ABCA10: variants seen among roughly 807,000 people sequenced by gnomAD.
ABCA10 encodes the protein ATP-binding cassette sub-family A member 10.
ABCA10 carries 169 observed loss-of-function variants against 187.5 expected under a neutral mutation model. The ratio of observed to expected loss-of-function variants is 0.90; its 90% CI spans 0.80 to 1.02. The LOEUF is 1.02. ABCA10 is among the 50% of genes least tolerant of loss of function. The pLI is 0.00. For missense variants in ABCA10, 1,727 were observed against 1,812.4 expected, an observed-to-expected ratio of 0.95 and a Z score of 0.86; for synonymous variants, 574 against 601.8, an observed-to-expected ratio of 0.95 and a Z score of 0.68.
intron 11 of ABCA10, among the ~76,000 whole-genome samples, chr17:69,196,663 G>T (rs1360094356): frequency 2.0e-5 from 3 of 152,212 alleles, no homozygotes; most frequent in Non-Finnish European, 2.9e-5. Context: ...AAGGCAGGCG[G>T]CTGGGAGGTG....
chr17:69,149,235 G>T, intron 37 of ABCA10, 147 bp from the exon 38 acceptor site: 1 of 825,104 alleles, frequency 1.2e-6, no homozygotes, highest in South Asian at 2.0e-5. Flanking sequence ...ATAAAGAAGA[G>T]TGGTGATATG....
intron 1 of ABCA10, among the ~76,000 whole-genome samples, chr17:69,238,118 C>T (rs1026950814): frequency 6.7e-6 from 1 of 149,528 alleles, no homozygotes; most frequent in African/African-American, 2.5e-5. Context: ...GCTGAGATCA[C>T]GCCATTGCAC....
chr17:69,211,247 C>A lies in ABCA10; in HGVS notation c.1006+3457G>T, dbSNP rs115451889. On this transcript the variant is annotated intron_variant, in intron 9 of 38. Coordinates refer to ENST00000690296, the MANE Select transcript of ABCA10 (RefSeq NM_001377321.1). Reference sequence around the variant, plus strand: ...CCAGCTTTAAATAATGCCATTATTTCATTCCTTTTTAATGGCTGAGTAGTA... The same window carrying A: ...CCAGCTTTAAATAATGCCATTATTTAATTCCTTTTTAATGGCTGAGTAGTA... Among the ~76,000 whole-genome samples, 1,360 of 147,652 alleles carry A rather than the reference C, an allele frequency of 9.2e-3. 15 individuals carry two copies. Among genetic ancestry groups the A allele is most frequent in the African/African-American group, 0.031 (1,250 of 40,118 alleles).
Position 69,201,545 on chromosome 17 carries a change from G to A in ABCA10, c.1130C>T (p.Ser377Phe). 6.2e-7 allele frequency: 1 copy of A among 1,607,568 alleles called. No homozygotes were observed. The highest frequency in any genetic ancestry group is 8.5e-7 in the Non-Finnish European group (1 of 1,178,200). ...GAATTCTGGAGACACCGGTTCAAAA[G>A]AATCATCAGAGGAATGCTCAGGATT... ...EINPEHSSDD[S>F]FEPVSPEFHG... The change falls in exon 10 of 39, where the codon TCT becomes TTT. Residue 377 changes from serine to phenylalanine, a missense_variant. By Grantham distance (155) the Ser-to-Phe change is radical. Coordinates refer to ENST00000690296, the MANE Select transcript of ABCA10 (RefSeq NM_001377321.1).
rs1006695046 is a variant in ABCA10, at chr17:69,179,945, T to TAAA, written c.2769+2205_2769+2207dup. Among the ~76,000 whole-genome samples the TAAA allele has an allele frequency of 7.2e-5, 11 of 152,296 alleles. 1 individual carries two copies. The East Asian group carries it at 1.9e-3, about 27-fold the overall frequency. On this transcript the variant is annotated intron_variant, in intron 22 of 38. Coordinates refer to ENST00000690296, the MANE Select transcript of ABCA10 (RefSeq NM_001377321.1). ...AATTCTGAAAAATCCGAAAGCCCTT[T>TAAA]AAATCATATTACTTAAAAGTTGCAA... is the stretch of plus-strand genomic sequence containing the variant.
At chr17:69,175,260 A>G in intron 23 of ABCA10, 146 bp downstream of exon 23, 1 of 638,740 alleles carries the variant, frequency 1.6e-6, no homozygotes, top group Non-Finnish European at 2.5e-6. Context: ...TCATGTGTTT[A>G]CTATAATCTA....
chr17:69,177,038 T>C (rs1384130222), intron 22 of ABCA10, among the ~76,000 whole-genome samples: 1 of 152,164 alleles, frequency 6.6e-6, no homozygotes. Context: ...ATCCTCAACT[T>C]CATCCTAATG....
At chr17:69,162,159 G>C (rs1201310098) in intron 27 of ABCA10, among the ~76,000 whole-genome samples, 1 of 152,196 alleles carries the variant, frequency 6.6e-6, no homozygotes, top group Non-Finnish European at 1.5e-5. Context: ...CAGAAGACAA[G>C]AGCAGAGCAT....
At chr17:69,171,133 C>T (rs2074294843) in intron 25 of ABCA10, among the ~76,000 whole-genome samples, 1 of 152,176 alleles carries the variant, frequency 6.6e-6, no homozygotes, top group African/African-American at 2.4e-5. Context: ...ATGAGCTCCT[C>T]TCCCCGACAA....
intron 27 of ABCA10, 56 bp from the exon 28 acceptor site, chr17:69,156,979 G>T: frequency 2.9e-6 from 3 of 1,035,270 alleles, no homozygotes; most frequent in Non-Finnish European, 4.1e-6. Context: ...CACACTCAAT[G>T]GTGAATATTT....
At chr17:69,226,270 T>C (rs1448466792) in intron 2 of ABCA10, among the ~76,000 whole-genome samples, 1 of 152,056 alleles carries the variant, frequency 6.6e-6, no homozygotes, top group East Asian at 1.9e-4. Flanking sequence ...GGTGGATGTA[T>C]AGGTGTTCAT....
At chr17:69,172,838 T>A (rs995268386) in intron 25 of ABCA10, among the ~76,000 whole-genome samples, 1 of 152,224 alleles carries the variant, frequency 6.6e-6, no homozygotes, top group African/African-American at 2.4e-5. Flanking sequence ...AAAATCCAAC[T>A]ATATTTCTTT....
chr17:69,176,122 A>G (rs1396961383), intron 22 of ABCA10, among the ~76,000 whole-genome samples: 3 of 152,158 alleles, frequency 2.0e-5, no homozygotes, highest in Non-Finnish European at 4.4e-5. Context: ...TCTCTTTTAC[A>G]TTTACATCTG....
At chr17:69,165,292 C>T (rs1171986183) in intron 25 of ABCA10, among the ~76,000 whole-genome samples, 2 of 151,974 alleles carry the variant, frequency 1.3e-5, no homozygotes, top group Non-Finnish European at 2.9e-5. Context: ...GTCATAAATA[C>T]CTTAAAGATT....
chr17:69,211,348 T>C (rs1000412489), intron 9 of ABCA10, among the ~76,000 whole-genome samples: 1 of 23,712 alleles, frequency 4.2e-5, no homozygotes, highest in Non-Finnish European at 1.0e-4. Flanking sequence ...TATATATATA[T>C]ATATATATAT....
chr17:69,158,246 C>A (rs965609474), intron 27 of ABCA10, among the ~76,000 whole-genome samples: 1 of 151,668 alleles, frequency 6.6e-6, no homozygotes, highest in African/African-American at 2.4e-5. Flanking sequence ...GAGATTCAAG[C>A]CAATGTCATA....
intron 1 of ABCA10, among the ~76,000 whole-genome samples, chr17:69,235,337 T>C (rs1287464422): frequency 3.3e-4 from 50 of 152,220 alleles, no homozygotes; most frequent in African/African-American, 1.4e-4. Context: ...TCCTGTCCTA[T>C]CTAAGAACCA....
rs12601012 is a variant in ABCA10 at position 69,153,416 on chromosome 17, A to T, written c.4042-17T>A. On this transcript the variant is annotated splice_polypyrimidine_tract_variant and intron_variant, in intron 33 of 38. Coordinates refer to ENST00000690296, the MANE Select transcript of ABCA10 (RefSeq NM_001377321.1). ...AAAGCACAGCTGCAATGCAAGGAACAGCCCGTCGGCACCCAGCCATGGGTG... is the reference window on the plus strand; with the variant it reads ...AAAGCACAGCTGCAATGCAAGGAACTGCCCGTCGGCACCCAGCCATGGGTG... 0.061 allele frequency: 99,125 copies of T among 1,613,592 alleles called. 3,755 individuals carry two copies. Among genetic ancestry groups the T allele is most frequent in the Admixed American group, 0.16 (9,708 of 59,908 alleles).
intron 5 of ABCA10, among the ~76,000 whole-genome samples, chr17:69,220,085 G>A (rs2144845320): frequency 6.6e-6 from 1 of 152,312 alleles, no homozygotes; most frequent in South Asian, 2.1e-4. Flanking sequence ...AGAAAGGAGA[G>A]ATATTAAATA....
Sources: allele counts gnomAD v4.1 joint callset (sites outside exome capture counted in the v4.1 genomes callset), GRCh38; gene constraint gnomAD v4.1.1; transcripts MANE v1.5; gene names NCBI Gene and HGNC (gene_info 2026-07-23, HGNC 2026-07-21).